IL12RB2: variants seen among roughly 807,000 people sequenced by gnomAD.
IL12RB2 encodes the protein interleukin-12 receptor subunit beta-2.
In IL12RB2, 82 loss-of-function variants were observed where a neutral mutation model predicts 89.4. The ratio of observed to expected loss-of-function variants is 0.92; its 90% CI spans 0.77 to 1.10. The LOEUF (loss-of-function observed/expected upper bound fraction) is 1.10. Among genes scored for constraint, IL12RB2 ranks in the 50% least tolerant of loss-of-function variants. The pLI, the probability that IL12RB2 is intolerant of heterozygous loss-of-function variation, is 0.00. For missense variants in IL12RB2, 963 were observed against 1,031.9 expected (o/e 0.93, Z 0.92); for synonymous variants, 368 against 370.1 (o/e 0.99, Z 0.07).
chr1:67,349,690 T>C (rs768012098), intron 9 of IL12RB2, among the ~76,000 whole-genome samples: 4 of 152,180 alleles, frequency 2.6e-5, no homozygotes, highest in Non-Finnish European at 4.4e-5. Flanking sequence ...AGAATGGACC[T>C]GCATTAATCA....
intron 15 of IL12RB2, among the ~76,000 whole-genome samples, chr1:67,387,364 GTAC>G (rs1237317349): frequency 6.6e-6 from 1 of 151,982 alleles, no homozygotes; most frequent in Non-Finnish European, 1.5e-5. Flanking sequence ...GATATATCTT[GTAC>G]TATAACATAT....
At chr1:67,348,733 A>G (rs1218309554) in intron 9 of IL12RB2, among the ~76,000 whole-genome samples, 1 of 151,908 alleles carries the variant, frequency 6.6e-6, no homozygotes, top group Non-Finnish European at 1.5e-5. Context: ...TAAGTGGCTA[A>G]ATATCTGTTT....
At chr1:67,330,585 T>TC (rs1657938922) in intron 7 of IL12RB2, 75 bp from the exon 8 acceptor site, 1 of 785,910 alleles carries the variant, frequency 1.3e-6, no homozygotes, top group East Asian at 2.4e-5. Flanking sequence ...GTTTTTTTTT[T>TC]TTCATTTTAT....
chr1:67,333,049 A>G (rs1433409356), intron 8 of IL12RB2, among the ~76,000 whole-genome samples: 1 of 152,198 alleles, frequency 6.6e-6, no homozygotes, highest in Admixed American at 6.5e-5. Context: ...TATGAATTGA[A>G]CCTAGGAAGC....
intron 10 of IL12RB2, among the ~76,000 whole-genome samples, chr1:67,358,358 C>G (rs1003605152): frequency 1.1e-4 from 16 of 151,582 alleles, no homozygotes; most frequent in Non-Finnish European, 2.4e-4. Flanking sequence ...GGCAGATCAC[C>G]TGAGGTCAGG....
At chr1:67,381,888 A>C (rs979928558) in intron 14 of IL12RB2, among the ~76,000 whole-genome samples, 4 of 152,068 alleles carry the variant, frequency 2.6e-5, no homozygotes, top group Non-Finnish European at 5.9e-5. Flanking sequence ...TGGGAGGCTG[A>C]GGCAAGAGAA....
chr1:67,326,586 C>A, intron 4 of IL12RB2, 149 bp from the exon 5 acceptor site: 3 of 1,312,190 alleles, frequency 2.3e-6, no homozygotes, highest in Non-Finnish European at 2.1e-6. Flanking sequence ...TAATGGCAAA[C>A]TGGGACTTGA....
intron 4 of IL12RB2, among the ~76,000 whole-genome samples, chr1:67,326,222 A>G (rs992763550): frequency 2.0e-5 from 3 of 152,188 alleles, no homozygotes; most frequent in African/African-American, 4.8e-5. Context: ...AAGGTTTCTA[A>G]TATTTGAATG....
chr1:67,381,719 T>C (rs1469340829), intron 14 of IL12RB2, among the ~76,000 whole-genome samples: 2 of 147,164 alleles, frequency 1.4e-5, no homozygotes, highest in East Asian at 4.0e-4. Flanking sequence ...TGAGCCGAGA[T>C]GGCACCACTG....
intron 16 of IL12RB2, among the ~76,000 whole-genome samples, chr1:67,392,156 G>A (rs1665902124): frequency 6.6e-6 from 1 of 152,138 alleles, no homozygotes; most frequent in Admixed American, 6.6e-5. Flanking sequence ...GAGCTGAAGA[G>A]ACTTATTAAA....
chr1:67,390,203 C>A, intron 16 of IL12RB2, 75 bp downstream of exon 16: 1 of 818,808 alleles, frequency 1.2e-6, no homozygotes, highest in Non-Finnish European at 2.2e-6. Flanking sequence ...ATTGTAGTTA[C>A]GAGGAAGCCT....
chr1:67,381,058 A>G (rs1226850060), intron 14 of IL12RB2, among the ~76,000 whole-genome samples: 1 of 152,200 alleles, frequency 6.6e-6, no homozygotes, highest in Non-Finnish European at 1.5e-5. Context: ...CCAAAATTAC[A>G]TGGTTATACC....
At chr1:67,335,374 C>T (rs1386263020) in intron 8 of IL12RB2, among the ~76,000 whole-genome samples, 3 of 152,090 alleles carry the variant, frequency 2.0e-5, no homozygotes, top group African/African-American at 7.2e-5. Flanking sequence ...ATTAACAGTG[C>T]TGTGTTAGGG....
intron 10 of IL12RB2, among the ~76,000 whole-genome samples, chr1:67,355,641 G>A (rs977606308): frequency 2.0e-5 from 3 of 152,266 alleles, no homozygotes; most frequent in Middle Eastern, 3.4e-3. Flanking sequence ...TCCAATAGTG[G>A]CAGAGCTACA....
At chr1:67,310,184 C>CAAAAAAA (rs890229904) in intron 1 of IL12RB2, among the ~76,000 whole-genome samples, 5 of 36,740 alleles carry the variant, frequency 1.4e-4, no homozygotes, top group African/African-American at 3.2e-4. Context: ...AACTTCATCT[C>CAAAAAAA]AAAAAAAAAA....
At chr1:67,373,523 GA>G (rs1445719237) in intron 13 of IL12RB2, among the ~76,000 whole-genome samples, 4 of 152,188 alleles carry the variant, frequency 2.6e-5, no homozygotes, top group Non-Finnish European at 5.9e-5. Context: ...GATAAAATAT[GA>G]TACAGTTTAA....
In IL12RB2 at chr1:67,390,048, G is replaced by C. The variant is rs1210022751; in HGVS notation, c.1966G>C (p.Ala656Pro). 2.3e-6 allele frequency: 3 copies of C among 1,309,526 alleles called. No individual in the cohort carries two copies. Among genetic ancestry groups the C allele is most frequent in the Middle Eastern group, 1.8e-4 (1 of 5,476 alleles). The allele number at this position is 1,309,526 out of a possible 1,614,324, so 81.1% of individuals were successfully genotyped here. The stretch of plus-strand genomic sequence containing the variant: ...CTATAGGGTGTTTGTTCTCCTAGCA[G>C]CCCTCAGACCTCAGTGGTGTAGCAG... ...FQQKVFVLLA[A>P]LRPQWCSREI... Residue 656 changes from alanine to proline, a missense_variant, in exon 16 of 17, where the codon GCC (alanine) becomes CCC (proline). Coordinates refer to ENST00000674203, the MANE Select transcript of IL12RB2 (RefSeq NM_001374259.2).
intron 10 of IL12RB2, among the ~76,000 whole-genome samples, chr1:67,361,047 C>T (rs1661987194): frequency 6.6e-6 from 1 of 151,980 alleles, no homozygotes; most frequent in Non-Finnish European, 1.5e-5. Context: ...CCATCCTATC[C>T]CACTTAAGAG....
intron 10 of IL12RB2, among the ~76,000 whole-genome samples, chr1:67,354,327 A>G (rs1353130720): frequency 6.6e-6 from 1 of 152,138 alleles, no homozygotes; most frequent in African/African-American, 2.4e-5. Flanking sequence ...GAAAGGAAGA[A>G]CCAGAGATAA....
Sources: allele counts gnomAD v4.1 joint callset (sites outside exome capture counted in the v4.1 genomes callset), GRCh38; gene constraint gnomAD v4.1.1; transcripts MANE v1.5; gene names NCBI Gene and HGNC (gene_info 2026-07-23, HGNC 2026-07-21).